Variants in FAT3 observed in about 807,000 individuals in gnomAD.
FAT3 encodes the protein FAT atypical cadherin 3.
Under a neutral mutation model 310.2 loss-of-function variants are expected in FAT3, and 95 were observed. That is an observed-to-expected ratio of 0.31 (90% CI 0.26 to 0.36). FAT3 has a LOEUF of 0.36. Ranked by LOEUF, FAT3 falls within the 10% of genes least tolerant of loss-of-function variation. The pLI, the probability that FAT3 is intolerant of heterozygous loss-of-function variation, is 1.00. For synonymous variants in FAT3, 2,314 were observed against 2,192.9 expected (o/e 1.06, Z -1.54); for missense variants, 5,408 against 5,715.6 (o/e 0.95, Z 1.74).
At chr11:92,364,065 C>T (rs1234534340) in intron 2 of FAT3, among the ~76,000 whole-genome samples, 1 of 151,996 alleles carries the variant, frequency 6.6e-6, no homozygotes, top group Non-Finnish European at 1.5e-5. Flanking sequence ...CATTGTGTAT[C>T]AGGCTTGAGC....
intron 2 of FAT3, among the ~76,000 whole-genome samples, chr11:92,415,229 C>G (rs1341147880): frequency 1.3e-5 from 2 of 152,108 alleles, no homozygotes; most frequent in African/African-American, 4.8e-5. Flanking sequence ...AGTTACAAAC[C>G]TAGAATAATC....
intron 19 of FAT3, among the ~76,000 whole-genome samples, chr11:92,854,418 G>T (rs1948917852): frequency 6.6e-6 from 1 of 152,046 alleles, no homozygotes; most frequent in Non-Finnish European, 1.5e-5. Flanking sequence ...TAGGGGGGTG[G>T]GGCTCCCACC....
At chr11:92,404,382 A>T (rs748865911) in intron 2 of FAT3, among the ~76,000 whole-genome samples, 1 of 152,104 alleles carries the variant, frequency 6.6e-6, no homozygotes, top group Non-Finnish European at 1.5e-5. Context: ...GGTAGGAAGA[A>T]GAAAATAAAA....
At chr11:92,467,602 C>G (rs906316232) in intron 2 of FAT3, among the ~76,000 whole-genome samples, 2 of 152,078 alleles carry the variant, frequency 1.3e-5, no homozygotes, top group Non-Finnish European at 2.9e-5. Flanking sequence ...TTATTACTCA[C>G]AATTTTGTTT....
At chr11:92,486,257 A>G (rs1952397981) in intron 2 of FAT3, among the ~76,000 whole-genome samples, 1 of 143,404 alleles carries the variant, frequency 7.0e-6, no homozygotes, top group East Asian at 2.2e-4. Flanking sequence ...TAGTTACTTT[A>G]TTGACTGTGT....
intron 2 of FAT3, among the ~76,000 whole-genome samples, chr11:92,447,515 A>G (rs997646202): frequency 6.6e-6 from 1 of 152,196 alleles, no homozygotes; most frequent in Non-Finnish European, 1.5e-5. Flanking sequence ...GTATTAAACA[A>G]TTAAACACCA....
rs562961100 is a variant in FAT3 at position 92,565,859 on chromosome 11, G to A, written c.3607+40911G>A. ...CAACCCTTCATTCTAAAAACTCTCAGTAAATTAGGTATTGATGGGACGTAT... is the reference window on the plus strand; with the variant it reads ...CAACCCTTCATTCTAAAAACTCTCAATAAATTAGGTATTGATGGGACGTAT... On this transcript the variant is annotated intron_variant, in intron 3 of 27. Coordinates refer to ENST00000525166, the MANE Select transcript of FAT3 (RefSeq NM_001367949.2). Among the ~76,000 whole-genome samples the A allele has an allele frequency of 6.0e-3, 910 of 152,170 alleles. 5 individuals are homozygous for A. Among genetic ancestry groups the A allele is most frequent in the African/African-American group, 0.021 (858 of 41,496 alleles).
intron 2 of FAT3, among the ~76,000 whole-genome samples, chr11:92,387,021 A>T (rs139273818): frequency 6.6e-6 from 1 of 151,706 alleles, no homozygotes; most frequent in African/African-American, 2.4e-5. Context: ...ATGTACTGTG[A>T]TAAATGCTAT....
intron 1 of FAT3, among the ~76,000 whole-genome samples, chr11:92,291,371 G>T (rs972072373): frequency 6.6e-6 from 1 of 152,110 alleles, no homozygotes; most frequent in South Asian, 2.1e-4. Flanking sequence ...GCCCAGCAAG[G>T]AGTGTAGAGA....
At chr11:92,624,866 G>A (rs377033475) in intron 3 of FAT3, among the ~76,000 whole-genome samples, 57 of 152,304 alleles carry the variant, frequency 3.7e-4, no homozygotes, top group African/African-American at 1.3e-3. Context: ...TCTGAGAGAC[G>A]ATCTGTTCAA....
chr11:92,752,738 A>C (rs900144709), intron 4 of FAT3, among the ~76,000 whole-genome samples: 5 of 152,202 alleles, frequency 3.3e-5, no homozygotes, highest in Non-Finnish European at 5.9e-5. Flanking sequence ...CATGGCTGCT[A>C]CCCAAAATAA....
intron 3 of FAT3, among the ~76,000 whole-genome samples, chr11:92,677,041 C>A (rs2135844395): frequency 6.6e-6 from 1 of 152,288 alleles, no homozygotes. Context: ...AATGGATGAG[C>A]TACGTGGTTA....
rs397770261 is a variant in FAT3 at position 92,598,230 on chromosome 11, ATT to A, written c.3607+73295_3607+73296del. On this transcript the variant is annotated intron_variant, in intron 3 of 27. Coordinates refer to ENST00000525166, the MANE Select transcript of FAT3 (RefSeq NM_001367949.2). ...TATATGTATACATATATATATATAT[ATT>A]TTTTTTTTTTTTGAGACAAAGTCTC... Among the ~76,000 whole-genome samples, 28 of 134,428 alleles carry A rather than the reference ATT, an allele frequency of 2.1e-4. No homozygotes were observed. In the South Asian group the frequency reaches 3.7e-3, roughly 18 times the overall value. 88.2% of individuals were successfully genotyped at this position (134,428 alleles called of 152,430 possible).
chr11:92,416,581 TG>T, intron 2 of FAT3, among the ~76,000 whole-genome samples: 1 of 152,334 alleles, frequency 6.6e-6, no homozygotes, highest in Middle Eastern at 3.4e-3. Context: ...AGAAACCACT[TG>T]AAGAGCCACT....
rs562272942 is a variant in FAT3 at position 92,602,796 on chromosome 11, G to A, written c.3607+77848G>A. Among the ~76,000 whole-genome samples the A allele has an allele frequency of 4.7e-4, 71 of 152,272 alleles. 1 individual carries two copies. In the South Asian group the frequency reaches 7.5e-3, roughly 16 times the overall value. On this transcript the variant is annotated intron_variant, in intron 3 of 27. Transcript: ENST00000525166. ...TATCTAGATAGTAGATGTGTATTAC[G>A]TATTAGGTTTATTCCAAGAAGAATA...
intron 1 of FAT3, among the ~76,000 whole-genome samples, chr11:92,298,593 C>T (rs1219058104): frequency 6.6e-6 from 1 of 152,074 alleles, no homozygotes; most frequent in Non-Finnish European, 1.5e-5. Flanking sequence ...GCTTTCTGTG[C>T]TGGTTTGGGT....
chr11:92,318,971 ATAT>A (rs1947537675), intron 1 of FAT3, among the ~76,000 whole-genome samples: 1 of 152,188 alleles, frequency 6.6e-6, no homozygotes, highest in Non-Finnish European at 1.5e-5. Context: ...TTTATGGAGC[ATAT>A]TCTATGTGCA....
At chr11:92,758,186 T>G (rs547344480) in intron 4 of FAT3, among the ~76,000 whole-genome samples, 4 of 152,282 alleles carry the variant, frequency 2.6e-5, no homozygotes, top group Admixed American at 2.6e-4. Flanking sequence ...TGCCAGAACA[T>G]AACAATGAAT....
chr11:92,547,533 A>C (rs1307708712), intron 3 of FAT3, among the ~76,000 whole-genome samples: 1 of 152,142 alleles, frequency 6.6e-6, no homozygotes, highest in African/African-American at 2.4e-5. Context: ...TCAAACCTGA[A>C]AGACCAGGTT....
Sources: allele counts gnomAD v4.1 joint callset (sites outside exome capture counted in the v4.1 genomes callset), GRCh38; gene constraint gnomAD v4.1.1; transcripts MANE v1.5; gene names NCBI Gene and HGNC (gene_info 2026-07-23, HGNC 2026-07-21).